ACOXL: variants seen among roughly 807,000 people sequenced by gnomAD.
ACOXL encodes the protein acyl-CoA oxidase like.
A neutral mutation model predicts 71.9 loss-of-function variants in ACOXL; 70 were observed. That is an observed-to-expected ratio of 0.97 (90% CI 0.80 to 1.19). The LOEUF is 1.19. Ranked by LOEUF, ACOXL falls within the 50% of genes most tolerant of loss-of-function variation. The pLI is 0.00. For missense variants in ACOXL, 703 were observed against 736.3 expected, an observed-to-expected ratio of 0.95 and a Z score of 0.52; for synonymous variants, 253 against 281.6, an observed-to-expected ratio of 0.90 and a Z score of 1.02.
chr2:110,752,788 C>A (rs1679175701), intron 1 of ACOXL, among the ~76,000 whole-genome samples: 1 of 151,960 alleles, frequency 6.6e-6, no homozygotes, highest in Non-Finnish European at 1.5e-5. Flanking sequence ...CAAATTACTC[C>A]AAAATTTAGC....
Position 110,794,142 on chromosome 2 carries a change from C to T in ACOXL, c.313C>T (p.Gln105Ter), listed in dbSNP as rs1473530263. The change falls in exon 5 of 18, where the codon CAG (glutamine) becomes TAG (stop). Residue 105 changes from glutamine (Q) to a stop codon, truncating the protein, a stop_gained. Coordinates refer to ENST00000439055, the MANE Select transcript of ACOXL (RefSeq NM_001142807.4). LOFTEE classifies it high-confidence loss of function. The stretch of plus-strand genomic sequence containing the variant: ...CCATGGGAGCAACGCGAGAGGGATC[C>T]AGACCGAAGCCACCTTTGACCTCTC... ...RGHGSNARGI[Q>*]TEATFDLSAQ... 1.2e-6 allele frequency: 2 copies of T among 1,614,042 alleles called. No homozygotes were observed. The highest frequency in any genetic ancestry group is 1.7e-5 in the Admixed American group (1 of 60,006).
intron 15 of ACOXL, among the ~76,000 whole-genome samples, chr2:111,045,497 G>A (rs1431118564): frequency 3.9e-5 from 6 of 152,302 alleles, no homozygotes; most frequent in East Asian, 3.9e-4. Context: ...GTGCCGCCAC[G>A]TGAAGGACGT....
At chr2:110,739,006 A>G (rs1161113360) in intron 1 of ACOXL, among the ~76,000 whole-genome samples, 3 of 151,970 alleles carry the variant, frequency 2.0e-5, no homozygotes, top group South Asian at 2.1e-4. Flanking sequence ...AAAATCTCTT[A>G]TTTTTCAGAA....
intron 10 of ACOXL, among the ~76,000 whole-genome samples, chr2:110,842,129 G>A (rs4849121): frequency 0.44 from 67,434 of 151,954 alleles, 15,435 homozygotes; most frequent in South Asian, 0.54. Context: ...ACCTGATTTC[G>A]AAAGAAGTTT....
chr2:110,907,889 A>T (rs1421655435), intron 10 of ACOXL, among the ~76,000 whole-genome samples: 1 of 152,212 alleles, frequency 6.6e-6, no homozygotes, highest in East Asian at 1.9e-4. Context: ...TGAGTGGTTG[A>T]TGGATGTTCT....
At chr2:111,011,738 C>G (rs565079953) in intron 14 of ACOXL, among the ~76,000 whole-genome samples, 1 of 152,014 alleles carries the variant, frequency 6.6e-6, no homozygotes, top group African/African-American at 2.4e-5. Flanking sequence ...CAAAAATTAG[C>G]TGGGTGTGGT....
At chr2:110,804,509 A>G (rs1438474933) in intron 8 of ACOXL, among the ~76,000 whole-genome samples, 1 of 152,226 alleles carries the variant, frequency 6.6e-6, no homozygotes, top group African/African-American at 2.4e-5. Flanking sequence ...GCAAACCTAT[A>G]TCCACACAAT....
intron 13 of ACOXL, among the ~76,000 whole-genome samples, chr2:110,992,876 G>A (rs1182160060): frequency 1.3e-5 from 2 of 152,126 alleles, no homozygotes; most frequent in African/African-American, 4.8e-5. Context: ...TGCACCCAAC[G>A]TGTTTTTCTA....
intron 2 of ACOXL, among the ~76,000 whole-genome samples, chr2:110,773,832 A>T (rs1019377277): frequency 6.6e-6 from 1 of 152,104 alleles, no homozygotes; most frequent in African/African-American, 2.4e-5. Context: ...ATCTTGGAGG[A>T]TTTGGGCAGA....
intron 1 of ACOXL, among the ~76,000 whole-genome samples, chr2:110,752,392 G>A (rs1679102742): frequency 6.6e-6 from 1 of 152,056 alleles, no homozygotes; most frequent in African/African-American, 2.4e-5. Context: ...GCTGAGGAAG[G>A]AGGATCGCTT....
chr2:110,908,984 C>G (rs77259069), intron 11 of ACOXL, 79 bp downstream of exon 11: 8 of 1,052,360 alleles, frequency 7.6e-6, no homozygotes, highest in Non-Finnish European at 1.1e-5. Flanking sequence ...GCAGCAGGCA[C>G]AGGATGTCAT....
intron 14 of ACOXL, among the ~76,000 whole-genome samples, chr2:111,022,320 G>C (rs911910466): frequency 6.6e-6 from 1 of 151,928 alleles, no homozygotes; most frequent in African/African-American, 2.4e-5. Context: ...AGCCGAGATC[G>C]TTCCACTGCA....
chr2:111,093,914 A>T, intron 17 of ACOXL: 1 of 166,710 alleles, frequency 6.0e-6, no homozygotes, highest in Non-Finnish European at 1.3e-5. Context: ...AAACACAAAT[A>T]CTCTCACAGG....
chr2:111,106,891 A>T (rs1398691286), intron 17 of ACOXL, among the ~76,000 whole-genome samples: 2 of 152,144 alleles, frequency 1.3e-5, no homozygotes, highest in Non-Finnish European at 2.9e-5. Context: ...ACGGTTCCCT[A>T]AAGGGCCTTT....
chr2:110,996,340 A>G (rs2063396388), intron 14 of ACOXL, among the ~76,000 whole-genome samples: 2 of 152,236 alleles, frequency 1.3e-5, no homozygotes, highest in Non-Finnish European at 1.5e-5. Context: ...TCTCTAAGAC[A>G]GGGAGGGGAA....
At chr2:111,095,837 T>C (rs925897204) in intron 17 of ACOXL, among the ~76,000 whole-genome samples, 4 of 152,254 alleles carry the variant, frequency 2.6e-5, no homozygotes, top group Admixed American at 6.5e-5. Flanking sequence ...AAGCCTTCTT[T>C]GTCACATCTC....
chr2:111,041,362 G>A (rs536131417), intron 15 of ACOXL, among the ~76,000 whole-genome samples: 1 of 152,290 alleles, frequency 6.6e-6, no homozygotes, highest in South Asian at 2.1e-4. Flanking sequence ...CCCAATTTAA[G>A]TGTGACACTG....
chr2:110,906,819 C>G (rs2059469429), intron 10 of ACOXL, among the ~76,000 whole-genome samples: 2 of 152,172 alleles, frequency 1.3e-5, no homozygotes, highest in Non-Finnish European at 2.9e-5. Context: ...CCTTCTTGAC[C>G]TGGTAAATGT....
intron 10 of ACOXL, among the ~76,000 whole-genome samples, chr2:110,885,126 T>A (rs1209790845): frequency 6.6e-6 from 1 of 152,154 alleles, no homozygotes; most frequent in East Asian, 1.9e-4. Flanking sequence ...GGGAATGGAT[T>A]TCTCCTTACC....
Sources: gnomAD v4.1 joint callset for allele counts (sites outside exome capture counted in the v4.1 genomes callset) on GRCh38, gnomAD v4.1.1 for gene constraint, MANE v1.5 for transcripts, NCBI Gene and HGNC (gene_info 2026-07-23, HGNC 2026-07-21) for gene names.